Variants in ADCY2 observed in about 807,000 individuals in gnomAD.
The protein encoded by ADCY2 is adenylate cyclase type 2.
ADCY2 carries 31 observed loss-of-function variants against 125.2 expected under a neutral mutation model. The ratio of observed to expected loss-of-function variants is 0.25; its 90% CI spans 0.19 to 0.33. The LOEUF (loss-of-function observed/expected upper bound fraction) is 0.33. Among genes scored for constraint, ADCY2 ranks in the 10% least tolerant of loss-of-function variants. The pLI, the probability that ADCY2 is intolerant of heterozygous loss-of-function variation, is 1.00. For missense variants in ADCY2, 904 were observed against 1,418.2 expected, an observed-to-expected ratio of 0.64 and a Z score of 5.82; for synonymous variants, 512 against 548.4, an observed-to-expected ratio of 0.93 and a Z score of 0.93.
At chr5:7,531,342 A>G (rs1283417795) in intron 3 of ADCY2, among the ~76,000 whole-genome samples, 2 of 152,104 alleles carry the variant, frequency 1.3e-5, no homozygotes, top group Non-Finnish European at 2.9e-5. Context: ...CGACCATGCT[A>G]CATCTAAGTT....
intron 3 of ADCY2, among the ~76,000 whole-genome samples, chr5:7,574,295 C>G (rs996879646): frequency 2.0e-5 from 3 of 151,236 alleles, no homozygotes; most frequent in Admixed American, 6.6e-5. Flanking sequence ...ATGGCTGGGT[C>G]AAATGGTATT....
At position 7,513,104 on chromosome 5, in the gene ADCY2, C is replaced by CAGAG. The variant is rs1374942824; in HGVS notation, c.409-7633_409-7632insGAGA. The stretch of plus-strand genomic sequence containing the variant: ...ACACACACACACACACACACACACA[C>CAGAG]ACAGAGAGAGAGAGAGAGAGAGAGA... On this transcript the variant is annotated intron_variant, in intron 2 of 24. Coordinates refer to ENST00000338316, the MANE Select transcript of ADCY2 (RefSeq NM_020546.3). Among the ~76,000 whole-genome samples, 6 of 145,928 alleles carry CAGAG rather than the reference C, an allele frequency of 4.1e-5. No homozygotes were observed. In the East Asian group the frequency reaches 1.1e-3, roughly 26 times the overall value.
chr5:7,427,889 C>T (rs1025428582), intron 2 of ADCY2, among the ~76,000 whole-genome samples: 2 of 152,150 alleles, frequency 1.3e-5, no homozygotes, highest in Admixed American at 1.3e-4. Context: ...CACATCTAGA[C>T]CTAGTCTGTA....
intron 3 of ADCY2, among the ~76,000 whole-genome samples, chr5:7,595,407 C>T (rs563705211): frequency 1.3e-5 from 2 of 152,100 alleles, no homozygotes; most frequent in African/African-American, 4.8e-5. Flanking sequence ...TATTTTGGAG[C>T]ATTTAAATCT....
At chr5:7,722,731 G>T (rs191923304) in intron 12 of ADCY2, among the ~76,000 whole-genome samples, 2 of 152,070 alleles carry the variant, frequency 1.3e-5, no homozygotes, top group Non-Finnish European at 2.9e-5. Flanking sequence ...GGCCGAGGTG[G>T]GCAGACCACC....
intron 2 of ADCY2, among the ~76,000 whole-genome samples, chr5:7,420,058 A>AC (rs567036772): frequency 1.5e-3 from 233 of 151,764 alleles, no homozygotes; most frequent in Non-Finnish European, 2.5e-3. Context: ...GAGCGATTGC[A>AC]CCCCCCGGGG....
At chr5:7,606,597 G>A (rs1579229763) in intron 3 of ADCY2, among the ~76,000 whole-genome samples, 2 of 152,238 alleles carry the variant, frequency 1.3e-5, no homozygotes, top group East Asian at 3.9e-4. Context: ...TGCAGGCTCT[G>A]AAGTGTGATC....
At chr5:7,693,407 TTTTTTG>T (rs1388194666) in intron 5 of ADCY2, among the ~76,000 whole-genome samples, 21 of 38,346 alleles carry the variant, frequency 5.5e-4, no homozygotes, top group Middle Eastern at 0.015. Flanking sequence ...TTGCCTGCTG[TTTTTTG>T]TTTTTTTTTT....
chr5:7,625,824 C>G (rs1279019395), intron 3 of ADCY2, among the ~76,000 whole-genome samples: 5 of 152,130 alleles, frequency 3.3e-5, no homozygotes, highest in African/African-American at 1.2e-4. Flanking sequence ...AGAGAGTGAC[C>G]TGAAAAACAA....
intron 2 of ADCY2, among the ~76,000 whole-genome samples, chr5:7,499,320 T>G (rs548286402): frequency 6.6e-6 from 1 of 152,108 alleles, no homozygotes; most frequent in South Asian, 2.1e-4. Flanking sequence ...GGTTTTTTTG[T>G]AGGGTAGTTG....
chr5:7,766,628 C>T, intron 16 of ADCY2, 59 bp from the exon 17 acceptor site: 1 of 1,576,088 alleles, frequency 6.3e-7, no homozygotes, highest in Non-Finnish European at 8.7e-7. Context: ...TTAGCACCCA[C>T]CTGCTAGTTA....
chr5:7,815,325 C>G (rs910599250), intron 22 of ADCY2, among the ~76,000 whole-genome samples: 8 of 152,168 alleles, frequency 5.3e-5, no homozygotes, highest in African/African-American at 1.9e-4. Flanking sequence ...TGAAAAGACA[C>G]AAGGCACTGG....
intron 2 of ADCY2, among the ~76,000 whole-genome samples, chr5:7,445,099 A>G (rs1741191084): frequency 6.6e-6 from 1 of 152,122 alleles, no homozygotes; most frequent in African/African-American, 2.4e-5. Context: ...TTAAGTTTTT[A>G]TGTAGTTAAG....
At chr5:7,717,369 T>C (rs1741621934) in intron 12 of ADCY2, 132 bp downstream of exon 12, 1 of 530,736 alleles carries the variant, frequency 1.9e-6, no homozygotes, top group Non-Finnish European at 3.4e-6. Context: ...ACTTCAGTTG[T>C]CCCTCAGAAT....
intron 3 of ADCY2, among the ~76,000 whole-genome samples, chr5:7,625,966 A>G (rs1738106358): frequency 6.6e-6 from 1 of 152,346 alleles, no homozygotes; most frequent in Non-Finnish European, 1.5e-5. Flanking sequence ...ACCAAAGGGC[A>G]TGGATCCAAG....
chr5:7,789,925 G>T, intron 20 of ADCY2, 125 bp downstream of exon 20: 1 of 716,708 alleles, frequency 1.4e-6, no homozygotes, highest in Non-Finnish European at 2.2e-6. Flanking sequence ...GTTCAAATTG[G>T]CCAAGATTGG....
intron 3 of ADCY2, among the ~76,000 whole-genome samples, chr5:7,589,503 AAAG>A (rs1443218499): frequency 0.021 from 1,492 of 71,354 alleles, 15 homozygotes; most frequent in East Asian, 0.085. Context: ...AGAAAGAAAG[AAAG>A]AAAGAAAAGA....
At chr5:7,787,731 G>A (rs963949276) in intron 19 of ADCY2, among the ~76,000 whole-genome samples, 2 of 152,100 alleles carry the variant, frequency 1.3e-5, no homozygotes, top group African/African-American at 4.8e-5. Flanking sequence ...TGTCATTTCG[G>A]TTCAGTACAG....
intron 18 of ADCY2, among the ~76,000 whole-genome samples, chr5:7,778,441 G>A (rs924219714): frequency 6.6e-6 from 1 of 152,196 alleles, no homozygotes; most frequent in African/African-American, 2.4e-5. Flanking sequence ...GTTCTGTGCT[G>A]GAACTTTAGC....
Sources: gnomAD v4.1 joint callset for allele counts (sites outside exome capture counted in the v4.1 genomes callset) on GRCh38, gnomAD v4.1.1 for gene constraint, MANE v1.5 for transcripts, NCBI Gene and HGNC (gene_info 2026-07-23, HGNC 2026-07-21) for gene names.